Variants in SVEP1 observed in about 807,000 individuals in gnomAD.
The protein encoded by SVEP1 is sushi, von Willebrand factor type A, EGF and pentraxin domain containing 1.
In SVEP1, 164 loss-of-function variants were observed where a neutral mutation model predicts 367.3. The ratio of observed to expected loss-of-function variants is 0.45; its 90% CI spans 0.39 to 0.51. The LOEUF is 0.51. Among genes scored for constraint, SVEP1 ranks in the 20% least tolerant of loss-of-function variants. The pLI, the probability that SVEP1 is intolerant of heterozygous loss-of-function variation, is 0.00. For synonymous variants in SVEP1, 1,666 were observed against 1,611.6 expected (o/e 1.03, Z -0.81); for missense variants, 4,117 against 4,425.3 (o/e 0.93, Z 1.98).
At chr9:110,438,158 G>C (rs1157812458) in intron 27 of SVEP1, among the ~76,000 whole-genome samples, 1 of 141,906 alleles carries the variant, frequency 7.0e-6, no homozygotes, top group African/African-American at 2.6e-5. Flanking sequence ...CTCATTTCAT[G>C]AGTTTTAGTA....
Position 110,499,081 on chromosome 9 carries a change from A to G in SVEP1, c.1641T>C (p.Ser547=), listed in dbSNP as rs1414399551. The G allele has an allele frequency of 1.2e-6, 2 of 1,613,768 alleles. No homozygotes were observed. The highest frequency in any genetic ancestry group is 3.3e-5 in the Admixed American group (2 of 59,938). The change falls in exon 7 of 48, where the codon TCT becomes TCC. Residue 547 remains serine (S), a synonymous_variant. Transcript: ENST00000374469. ...CCTGAACTCCGACATTCCATTTTCC[A>G]GAAGTGGTACATCTCAGCATTTCTT... The part of the protein sequence containing the change: ...GVKEMLRCTT[S]GKWNVGVQAA...
Position 110,499,054 on chromosome 9 carries a change from T to G in SVEP1, c.1668A>C (p.Ala556=). The G allele has an allele frequency of 6.2e-7, 1 of 1,613,480 alleles. No individual in the cohort carries two copies. Among genetic ancestry groups the G allele is most frequent in the Non-Finnish European group, 8.5e-7 (1 of 1,179,656 alleles). The change falls in exon 7 of 48, where the codon GCA becomes GCC. Residue 556 remains alanine, a synonymous_variant. Transcript: ENST00000374469. The part of the protein sequence containing the change: ...TSGKWNVGVQ[A]AVCKDVEAPQ... Reference sequence around the variant, plus strand: ...GTAGAGACCTACCTTTACACACAGCTGCCTGAACTCCGACATTCCATTTTC... The same window carrying G: ...GTAGAGACCTACCTTTACACACAGCGGCCTGAACTCCGACATTCCATTTTC...
Position 110,499,172 on chromosome 9 carries a change from T to G in SVEP1, c.1550A>C (p.Gln517Pro). ...GCAGATCGTCCCAAATTTGGCTGGC[T>G]GCTTGCCACAGTTGTGGGGGGATAT... is the stretch of plus-strand genomic sequence containing the variant. Reference protein sequence around the residue: ...VIISPHNCGKQPAKFGTICYV... With the variant: ...VIISPHNCGKPPAKFGTICYV... The change falls in exon 7 of 48, where the codon CAG (glutamine) becomes CCG (proline). Residue 517 changes from glutamine to proline, a missense_variant. By Grantham distance (76) the Gln-to-Pro change is moderately conservative. Coordinates refer to ENST00000374469, the MANE Select transcript of SVEP1 (RefSeq NM_153366.4). 6.2e-7 allele frequency: 1 copy of G among 1,613,760 alleles called. No individual in the cohort carries two copies. The highest frequency in any genetic ancestry group is 8.5e-7 in the Non-Finnish European group (1 of 1,179,792).
intron 5 of SVEP1, among the ~76,000 whole-genome samples, chr9:110,504,184 A>G (rs1204119362): frequency 6.6e-6 from 1 of 150,792 alleles, no homozygotes; most frequent in African/African-American, 2.5e-5. Flanking sequence ...CCTCCCGAGT[A>G]GCTGGGACTA....
chr9:110,472,724 TAA>T (rs1361492970), intron 14 of SVEP1, among the ~76,000 whole-genome samples: 1 of 152,190 alleles, frequency 6.6e-6, no homozygotes, highest in Non-Finnish European at 1.5e-5. Flanking sequence ...AAATTGACCT[TAA>T]AACTATTAAT....
chr9:110,376,997 C>T (rs1827359080), intron 45 of SVEP1: 3 of 307,976 alleles, frequency 9.7e-6, no homozygotes, highest in East Asian at 1.1e-4. Context: ...GGAGACTTTA[C>T]AACAAGCTCC....
rs1388198095 is a variant in SVEP1 at position 110,370,085 on chromosome 9, G to T, written c.10601-69C>A. On this transcript the variant is annotated intron_variant, in intron 46 of 47. Coordinates refer to ENST00000374469, the MANE Select transcript of SVEP1 (RefSeq NM_153366.4). The stretch of plus-strand genomic sequence containing the variant: ...ATTCTGATGATATCCATAAAGGCAC[G>T]TAGGATAAGATTTGACTCTACTTCC... The T allele has an allele frequency of 2.9e-6, 4 of 1,399,478 alleles. No individual in the cohort carries two copies. In the East Asian group the frequency reaches 7.3e-5, roughly 26 times the overall value. The allele number at this position is 1,399,478 out of a possible 1,614,324, so 86.7% of individuals were successfully genotyped here.
At chr9:110,442,539 C>T (rs1192188072) in intron 27 of SVEP1, 1 of 150,792 alleles carries the variant, frequency 6.6e-6, no homozygotes, top group Non-Finnish European at 1.5e-5. Context: ...CGGCTCACGG[C>T]AATCTTCGCC....
chr9:110,408,538 G>T lies in SVEP1; in HGVS notation c.7062C>A (p.Val2354=), dbSNP rs769458868. 1 of 1,613,976 alleles carries T rather than the reference G, an allele frequency of 6.2e-7. No homozygotes were observed. The highest frequency in any genetic ancestry group is 1.1e-5 in the South Asian group (1 of 91,072). Residue 2354 remains valine, a synonymous_variant, in exon 38 of 48, where the codon GTC becomes GTA. Coordinates refer to ENST00000374469, the MANE Select transcript of SVEP1 (RefSeq NM_153366.4). ...VVTFSCKEGH[V]LQGPSVLKCL... is the part of the protein sequence containing the mutation. ...ATTTCAGGACAGAGGGGCCTTGCAG[G>T]ACATGCCCTTCTTTACAGGAAAATG...
At chr9:110,545,001 T>G (rs1564172645) in intron 3 of SVEP1, among the ~76,000 whole-genome samples, 1 of 152,282 alleles carries the variant, frequency 6.6e-6, no homozygotes, top group East Asian at 1.9e-4. Flanking sequence ...AATTTCCACA[T>G]ATGAGTGAGA....
chr9:110,534,097 G>T (rs966449339), intron 3 of SVEP1, among the ~76,000 whole-genome samples: 8 of 152,000 alleles, frequency 5.3e-5, no homozygotes, highest in African/African-American at 1.7e-4. Context: ...CATCATGGGG[G>T]TTTATTATAC....
At chr9:110,536,524 G>C (rs551463685) in intron 3 of SVEP1, among the ~76,000 whole-genome samples, 1 of 151,932 alleles carries the variant, frequency 6.6e-6, no homozygotes, top group African/African-American at 2.4e-5. Context: ...AAGTGTCTAT[G>C]GCACCTTTTC....
chr9:110,558,543 A>G (rs1830383923), intron 1 of SVEP1, among the ~76,000 whole-genome samples: 1 of 151,064 alleles, frequency 6.6e-6, no homozygotes, highest in Non-Finnish European at 1.5e-5. Context: ...GCATAATAAA[A>G]TGGTGCTTGT....
chr9:110,365,904 ATGT>A lies in SVEP1; in HGVS notation c.*632_*634del, dbSNP rs1827191840. The A allele has an allele frequency of 6.6e-6, 1 of 152,224 alleles. No homozygotes were observed. The highest frequency in any genetic ancestry group is 6.5e-5 in the Admixed American group (1 of 15,286). The allele number at this position is 152,224 out of a possible 1,614,324, so 9.4% of individuals were successfully genotyped here. ...GAAGTTAATGCCTACGGCTTTTCAAATGTTGTGAAAAGAATTAGCCAGGCTACC... is the reference window on the plus strand; with the variant it reads ...GAAGTTAATGCCTACGGCTTTTCAAATGTGAAAAGAATTAGCCAGGCTACC... On this transcript the variant is annotated 3_prime_UTR_variant, in exon 48 of 48. Coordinates refer to ENST00000374469, the MANE Select transcript of SVEP1 (RefSeq NM_153366.4).
Position 110,430,271 on chromosome 9 carries a change from T to C in SVEP1, c.5530+3A>G, listed in dbSNP as rs371282584. On this transcript the variant is annotated splice_donor_region_variant and intron_variant, in intron 33 of 47. Transcript: ENST00000374469. ...AGAAACGTGGTAAATTTACTAAACA[T>C]ACCTTTACAATATGGTATTAGATGA... 13 of 1,610,098 alleles carry C rather than the reference T, an allele frequency of 8.1e-6. No homozygotes were observed. The highest frequency in any genetic ancestry group is 1.3e-5 in the African/African-American group (1 of 74,880).
At chr9:110,496,134 T>G (rs2118739434) in intron 8 of SVEP1, among the ~76,000 whole-genome samples, 1 of 152,350 alleles carries the variant, frequency 6.6e-6, no homozygotes, top group South Asian at 2.1e-4. Context: ...TTCTGTCAGA[T>G]GCCGCATTCA....
chr9:110,450,475 T>G lies in SVEP1; in HGVS notation c.3902-215A>C, dbSNP rs1157646439. ...TGAGTTTTTGATAATCTGTTTTTTT[T>G]TTTTTTTTTTTTGAGACAGAGTCTT... On this transcript the variant is annotated intron_variant, in intron 23 of 47. Coordinates refer to ENST00000374469, the MANE Select transcript of SVEP1 (RefSeq NM_153366.4). 2.3e-3 allele frequency among the ~76,000 whole-genome samples: 332 copies of G among 146,580 alleles called. 1 individual carries two copies. The highest frequency in any genetic ancestry group is 3.8e-3 in the Non-Finnish European group (253 of 66,520).
chr9:110,453,920 T>C (rs1424437744), intron 22 of SVEP1, among the ~76,000 whole-genome samples: 1 of 151,520 alleles, frequency 6.6e-6, no homozygotes, highest in Admixed American at 6.6e-5. Context: ...TGGTGTGAGA[T>C]GGTATCTCAC....
intron 43 of SVEP1, among the ~76,000 whole-genome samples, chr9:110,384,174 G>A (rs576607862): frequency 3.9e-5 from 6 of 152,308 alleles, no homozygotes; most frequent in African/African-American, 1.4e-4. Context: ...GGGCTCATGA[G>A]GGGGATCTCC....
Sources: allele counts gnomAD v4.1 joint callset (sites outside exome capture counted in the v4.1 genomes callset), GRCh38; gene constraint gnomAD v4.1.1; transcripts MANE v1.5; gene names NCBI Gene and HGNC (gene_info 2026-07-23, HGNC 2026-07-21).